IGSF5: variants seen among roughly 807,000 people sequenced by gnomAD.
The protein encoded by IGSF5 is immunoglobulin superfamily 5 like.
A neutral mutation model predicts 39.4 loss-of-function variants in IGSF5; 41 were observed. The observed-to-expected ratio is 1.04, with a 90% CI of 0.81 to 1.35. The LOEUF is 1.35. IGSF5 is among the 40% of genes most tolerant of loss of function. The probability of loss-of-function intolerance (pLI) is 0.00; values close to 1 mark genes in which losing one functional copy is unlikely to be tolerated. For synonymous variants in IGSF5, 183 were observed against 175.3 expected (o/e 1.04, Z -0.34); for missense variants, 487 against 494.6 (o/e 0.98, Z 0.15).
intron 8 of IGSF5, 48 bp from the exon 9 acceptor site, chr21:39,801,214 C>A (rs1486857373): frequency 7.3e-7 from 1 of 1,371,682 alleles, no homozygotes; most frequent in Non-Finnish European, 1.0e-6. Context: ...TTGCATTTTA[C>A]AGTGATCTCA....
chr21:39,727,014 G>A, the IGSF5 span, among the ~76,000 whole-genome samples: 3 of 152,112 alleles, frequency 2.0e-5, no homozygotes, highest in African/African-American at 7.2e-5. Flanking sequence ...CCTCGAGGGT[G>A]GCCACAGTGC....
At chr21:39,712,708 C>T in the IGSF5 span, among the ~76,000 whole-genome samples, 2 of 152,134 alleles carry the variant, frequency 1.3e-5, no homozygotes, top group South Asian at 4.1e-4. Context: ...GAGGGCTGAA[C>T]CTCGGCTGGC....
intron 3 of IGSF5, among the ~76,000 whole-genome samples, chr21:39,767,127 T>G (rs929052509): frequency 3.9e-5 from 6 of 152,216 alleles, no homozygotes; most frequent in Non-Finnish European, 8.8e-5. Context: ...AACCAGATTC[T>G]TATTATGATA....
At chr21:39,719,717 C>T in the IGSF5 span, among the ~76,000 whole-genome samples, 1 of 152,218 alleles carries the variant, frequency 6.6e-6, no homozygotes, top group African/African-American at 2.4e-5. Flanking sequence ...GTCACTGGTC[C>T]CTAAAATATT....
the IGSF5 span, among the ~76,000 whole-genome samples, chr21:39,739,345 G>C: frequency 2.0e-5 from 3 of 151,938 alleles, no homozygotes; most frequent in Non-Finnish European, 2.9e-5. Context: ...GGGGGTTGCC[G>C]TTGCTGGCTC....
chr21:39,728,737 A>G, the IGSF5 span, among the ~76,000 whole-genome samples: 1 of 152,190 alleles, frequency 6.6e-6, no homozygotes, highest in Non-Finnish European at 1.5e-5. Flanking sequence ...CTGCTGTCTA[A>G]ATGAGACTTT....
At chr21:39,732,752 G>T in the IGSF5 span, among the ~76,000 whole-genome samples, 2 of 152,196 alleles carry the variant, frequency 1.3e-5, no homozygotes, top group Admixed American at 1.3e-4. Flanking sequence ...CAAGCCGGGA[G>T]TGGTGGCTCA....
At chr21:39,758,475 G>A (rs1358754369) in intron 2 of IGSF5, among the ~76,000 whole-genome samples, 2 of 152,078 alleles carry the variant, frequency 1.3e-5, no homozygotes, top group African/African-American at 2.4e-5. Flanking sequence ...TCTGGGCTTC[G>A]AGGAAGACCT....
Position 39,753,515 on chromosome 21 carries a change from T to C in IGSF5, c.100+7217T>C, listed in dbSNP as rs190462875. ...CATTTGTTCTAGGGTATAGTTTATG[T>C]CCATTGTTTCTTTGTTGACTTTCTG... On this transcript the variant is annotated intron_variant, in intron 2 of 8. Transcript: ENST00000380588. 4.3e-3 allele frequency among the ~76,000 whole-genome samples: 653 copies of C among 152,296 alleles called. 7 individuals are homozygous for C. Among genetic ancestry groups the C allele is most frequent in the African/African-American group, 0.015 (607 of 41,564 alleles).
At position 39,801,429 on chromosome 21, in the gene IGSF5, C is replaced by A. The variant is rs564703293; in HGVS notation, c.*72C>A. ...ACACGGCGATGGCATCCTTCCTTTCCATCCTAAGACTGGCCTGCAGCTTTG... is the reference window on the plus strand; with the variant it reads ...ACACGGCGATGGCATCCTTCCTTTCAATCCTAAGACTGGCCTGCAGCTTTG... On this transcript the variant is annotated 3_prime_UTR_variant, in exon 9 of 9. Transcript: ENST00000380588. 6.4e-6 allele frequency: 7 copies of A among 1,087,260 alleles called. No homozygotes were observed. The highest frequency in any genetic ancestry group is 8.4e-6 in the Non-Finnish European group (6 of 716,870). The allele number at this position is 1,087,260 out of a possible 1,614,324, so 67.4% of individuals were successfully genotyped here.
the IGSF5 span, among the ~76,000 whole-genome samples, chr21:39,715,923 G>A: frequency 0.1 from 15,928 of 152,154 alleles, 1,138 homozygotes; most frequent in East Asian, 0.22. Context: ...AACCAACCCG[G>A]GGATGTTATT....
chr21:39,793,723 A>T (rs2086979166), intron 8 of IGSF5, 110 bp downstream of exon 8: 2 of 861,152 alleles, frequency 2.3e-6, no homozygotes, highest in East Asian at 5.0e-5. Flanking sequence ...TGATGGTGGC[A>T]TGTTGCCTTT....
the IGSF5 span, among the ~76,000 whole-genome samples, chr21:39,739,019 G>A: frequency 1.3e-5 from 2 of 152,056 alleles, no homozygotes; most frequent in African/African-American, 2.4e-5. Context: ...CTCCTGAGTA[G>A]CTGTGATTAC....
the IGSF5 span, among the ~76,000 whole-genome samples, chr21:39,726,756 T>G: frequency 6.6e-6 from 1 of 152,184 alleles, no homozygotes; most frequent in Non-Finnish European, 1.5e-5. Flanking sequence ...CTGCCTGTTC[T>G]CCTGCCAGCA....
At chr21:39,713,764 A>G in the IGSF5 span, among the ~76,000 whole-genome samples, 1 of 152,172 alleles carries the variant, frequency 6.6e-6, no homozygotes, top group Non-Finnish European at 1.5e-5. Context: ...TGTAAGGTGC[A>G]ATAATTTTAT....
chr21:39,738,674 G>A, the IGSF5 span, among the ~76,000 whole-genome samples: 2 of 152,010 alleles, frequency 1.3e-5, no homozygotes, highest in Non-Finnish European at 2.9e-5. This position sits in a 1 kb window ranked among gnomAD's most constrained non-coding sequence, Gnocchi z 6.4. Context: ...AAGGGGTTTG[G>A]GCTTCTAGGG....
intron 6 of IGSF5, 41 bp downstream of exon 6, chr21:39,788,229 A>G: frequency 7.0e-7 from 1 of 1,431,490 alleles, no homozygotes; most frequent in Non-Finnish European, 9.8e-7. Context: ...AACAAAACAA[A>G]AAAAATTGAA....
chr21:39,734,852 C>T, the IGSF5 span, among the ~76,000 whole-genome samples: 3 of 151,926 alleles, frequency 2.0e-5, no homozygotes, highest in Non-Finnish European at 2.9e-5. Flanking sequence ...GGTTGTCAAA[C>T]AGCAGGTAAA....
chr21:39,776,022 A>G (rs1416601184), intron 4 of IGSF5, among the ~76,000 whole-genome samples: 1 of 152,100 alleles, frequency 6.6e-6, no homozygotes, highest in African/African-American at 2.4e-5. Flanking sequence ...GCATGATGAA[A>G]AGATTGGATT....
Sources: gnomAD v4.1 joint callset for allele counts (sites outside exome capture counted in the v4.1 genomes callset) on GRCh38, gnomAD v4.1.1 for gene constraint, Gnocchi (gnomAD v3.1) non-coding constraint, MANE v1.5 for transcripts, NCBI Gene and HGNC (gene_info 2026-07-23, HGNC 2026-07-21) for gene names.